CAPRIN2: variants seen among roughly 807,000 people sequenced by gnomAD.
CAPRIN2 encodes the protein caprin family member 2, also known as caprin-2.
In CAPRIN2, 66 loss-of-function variants were observed where a neutral mutation model predicts 130.4. The ratio of observed to expected loss-of-function variants is 0.51; its 90% CI spans 0.42 to 0.62. The LOEUF is 0.62. Among genes scored for constraint, CAPRIN2 ranks in the 20% least tolerant of loss-of-function variants. The pLI is 0.00. For missense variants in CAPRIN2, 1,185 were observed against 1,246.6 expected, an observed-to-expected ratio of 0.95 and a Z score of 0.74; for synonymous variants, 471 against 444.1, an observed-to-expected ratio of 1.06 and a Z score of -0.76.
chr12:30,741,383 G>T (rs571909749), intron 2 of CAPRIN2, among the ~76,000 whole-genome samples: 6 of 152,104 alleles, frequency 3.9e-5, no homozygotes, highest in African/African-American at 9.6e-5. Context: ...GATCAGAAAG[G>T]CCTGTTGGTT....
At chr12:30,719,026 T>G in intron 12 of CAPRIN2, 53 bp downstream of exon 14, 1 of 1,553,030 alleles carries the variant, frequency 6.4e-7, no homozygotes, top group Non-Finnish European at 8.8e-7. Flanking sequence ...AGAGAAACAA[T>G]GGCTTTTAAC....
intron 2 of CAPRIN2, among the ~76,000 whole-genome samples, chr12:30,746,061 T>C (rs1017572202): frequency 6.6e-6 from 1 of 152,222 alleles, no homozygotes; most frequent in Non-Finnish European, 1.5e-5. Context: ...CAGGCACAGA[T>C]AGTTTCTCAC....
At chr12:30,741,389 T>C (rs1838794786) in intron 2 of CAPRIN2, among the ~76,000 whole-genome samples, 1 of 152,152 alleles carries the variant, frequency 6.6e-6, no homozygotes, top group African/African-American at 2.4e-5. Flanking sequence ...AAAGGCCTGT[T>C]GGTTTTAATA....
intron 9 of CAPRIN2, 117 bp from the exon 11 acceptor site, chr12:30,724,568 T>C (rs2060344617): frequency 5.8e-6 from 4 of 689,110 alleles, no homozygotes; most frequent in Non-Finnish European, 1.0e-5. Context: ...AATATCTAGC[T>C]AAAGCTATAG....
chr12:30,736,379 G>A (rs2064799125), intron 3 of CAPRIN2, among the ~76,000 whole-genome samples: 1 of 148,420 alleles, frequency 6.7e-6, no homozygotes, highest in African/African-American at 2.5e-5. Context: ...TATTCCGCAA[G>A]GTATGAAGAT....
chr12:30,748,405 T>C (rs957756772), intron 2 of CAPRIN2, among the ~76,000 whole-genome samples: 1 of 152,238 alleles, frequency 6.6e-6, no homozygotes, highest in Non-Finnish European at 1.5e-5. Context: ...TACAACTCAC[T>C]GAAGGCTCAG....
intron 12 of CAPRIN2, among the ~76,000 whole-genome samples, chr12:30,717,837 C>T (rs1025176400): frequency 6.6e-6 from 1 of 152,156 alleles, no homozygotes; most frequent in African/African-American, 2.4e-5. Context: ...GATTCTGCTC[C>T]ATTTTTCTTT....
At chr12:30,719,339 A>G in intron 12 of CAPRIN2, 114 bp from the exon 14 acceptor site, 1 of 1,163,694 alleles carries the variant, frequency 8.6e-7, no homozygotes, top group Admixed American at 2.3e-5. Context: ...ACATTTGGAC[A>G]CAGGAATGCA....
chr12:30,734,575 T>C (rs2138355528), intron 4 of CAPRIN2, among the ~76,000 whole-genome samples: 1 of 152,316 alleles, frequency 6.6e-6, no homozygotes, highest in Non-Finnish European at 1.5e-5. Flanking sequence ...TATTTACCTC[T>C]ACTTAAGTAT....
chr12:30,723,366 CA>C (rs1166081690), intron 10 of CAPRIN2, 52 bp from the exon 12 acceptor site: 5 of 1,268,556 alleles, frequency 3.9e-6, no homozygotes, highest in South Asian at 2.5e-5. Context: ...AAAGCTTACG[CA>C]TATCAACTAG....
chr12:30,714,855 C>T (rs1043252604), intron 14 of CAPRIN2, 104 bp downstream of exon 16: 62 of 817,176 alleles, frequency 7.6e-5, no homozygotes, highest in African/African-American at 5.8e-4. Context: ...TTCTCTACTA[C>T]GTTGCAAATG....
chr12:30,729,106 T>G (rs918927454), exon 8 of CAPRIN2: 12 of 1,614,040 alleles, frequency 7.4e-6, no homozygotes, highest in Non-Finnish European at 1.0e-5. Context: ...TCTTGTTTCC[T>G]CTGTTCTAAG....
At chr12:30,727,348 T>C (rs572082511) in intron 8 of CAPRIN2, among the ~76,000 whole-genome samples, 1 of 152,278 alleles carries the variant, frequency 6.6e-6, no homozygotes, top group East Asian at 1.9e-4. Flanking sequence ...AACTCTAAAA[T>C]TTTGTTCCCA....
intron 11 of CAPRIN2, among the ~76,000 whole-genome samples, chr12:30,721,539 G>GT (rs2059405497): frequency 6.6e-6 from 1 of 152,206 alleles, no homozygotes; most frequent in South Asian, 2.1e-4. Context: ...TGTGACAACT[G>GT]TAACCAACAG....
In CAPRIN2 at chr12:30,740,596, C is replaced by T. The variant is rs561958012; in HGVS notation, c.570+424G>A. ...CATTAATTTTCCCATCAATAATTTT[C>T]ATGCTTTCAAGAAGACTACCAACTC... On this transcript the variant is annotated intron_variant, in intron 3 of 16. Coordinates refer to ENST00000298892, the Ensembl canonical transcript of CAPRIN2. Among the ~76,000 whole-genome samples the T allele has an allele frequency of 3.9e-5, 6 of 152,260 alleles. No homozygotes were observed. In the East Asian group the frequency reaches 9.6e-4, roughly 24 times the overall value.
intron 3 of CAPRIN2, 80 bp from the exon 5 acceptor site, chr12:30,735,286 C>T: frequency 9.7e-7 from 1 of 1,028,462 alleles, no homozygotes; most frequent in Non-Finnish European, 1.5e-6. Context: ...AAGTCTAAAC[C>T]CAAATAGCTG....
chr12:30,745,653 G>C (rs2069756340), intron 2 of CAPRIN2, among the ~76,000 whole-genome samples: 1 of 151,904 alleles, frequency 6.6e-6, no homozygotes, highest in Non-Finnish European at 1.5e-5. Flanking sequence ...GTGCTTGAAG[G>C]AAAATTCAGT....
chr12:30,714,160 G>T (rs1432540089), intron 14 of CAPRIN2, among the ~76,000 whole-genome samples: 1 of 152,078 alleles, frequency 6.6e-6, no homozygotes, highest in Non-Finnish European at 1.5e-5. Context: ...GGTACTTAGG[G>T]CCTCTGTCTA....
chr12:30,736,562 C>T (rs1040872570), intron 3 of CAPRIN2, among the ~76,000 whole-genome samples: 36 of 152,140 alleles, frequency 2.4e-4, no homozygotes, highest in African/African-American at 8.5e-4. Context: ...TTAATCCCTT[C>T]CTAGGGGATG....
Sources: allele counts gnomAD v4.1 joint callset (sites outside exome capture counted in the v4.1 genomes callset), GRCh38; gene constraint gnomAD v4.1.1; transcripts MANE v1.5; gene names NCBI Gene and HGNC (gene_info 2026-07-23, HGNC 2026-07-21).